CPNE4: variants seen among roughly 807,000 people sequenced by gnomAD.
CPNE4 encodes copine-4.
Under a neutral mutation model 67.9 loss-of-function variants are expected in CPNE4, and 25 were observed. The observed-to-expected ratio is 0.37, with a 90% CI of 0.27 to 0.51. The LOEUF (loss-of-function observed/expected upper bound fraction) is 0.51, where lower values mean the gene tolerates loss of function less well. Among genes scored for constraint, CPNE4 ranks in the 20% least tolerant of loss-of-function variants. The probability of loss-of-function intolerance (pLI) is 0.93; values close to 1 mark genes in which losing one functional copy is unlikely to be tolerated. For missense variants in CPNE4, 464 were observed against 690.8 expected (o/e 0.67, Z 3.68); for synonymous variants, 242 against 244.9 (o/e 0.99, Z 0.11).
At chr3:131,790,922 T>C (rs1442257806) in intron 2 of CPNE4, among the ~76,000 whole-genome samples, 1 of 152,200 alleles carries the variant, frequency 6.6e-6, no homozygotes, top group Non-Finnish European at 1.5e-5. Context: ...ACATGTTTTA[T>C]TGTGCAGTCT....
chr3:131,802,575 C>T (rs958677789), intron 2 of CPNE4, among the ~76,000 whole-genome samples: 13 of 152,138 alleles, frequency 8.5e-5, no homozygotes, highest in African/African-American at 2.2e-4. Context: ...GGGGTCAGGA[C>T]AGCACGGACA....
At chr3:131,987,166 G>A (rs1432868204) in intron 1 of CPNE4, among the ~76,000 whole-genome samples, 1 of 152,274 alleles carries the variant, frequency 6.6e-6, no homozygotes, top group South Asian at 2.1e-4. Context: ...GTAAAAAATA[G>A]TGGTATTTTG....
intron 2 of CPNE4, among the ~76,000 whole-genome samples, chr3:131,862,982 G>C (rs995776217): frequency 2.0e-5 from 3 of 148,126 alleles, no homozygotes; most frequent in Non-Finnish European, 4.5e-5. Context: ...CCTTATGATA[G>C]TTTGCTGAGA....
intron 2 of CPNE4, among the ~76,000 whole-genome samples, chr3:131,855,112 C>T (rs994122368): frequency 6.6e-6 from 1 of 151,910 alleles, no homozygotes; most frequent in African/African-American, 2.4e-5. Context: ...ACATAAGCCT[C>T]TTTCTGGGTC....
chr3:131,641,177 T>G (rs73001266), intron 7 of CPNE4, among the ~76,000 whole-genome samples: 45,195 of 151,888 alleles, frequency 0.3, 10,545 homozygotes, highest in African/African-American at 0.65. Flanking sequence ...GGGACTTAAT[T>G]AAACCAAAAA....
At chr3:131,557,079 A>G (rs1936499481) in intron 11 of CPNE4, among the ~76,000 whole-genome samples, 1 of 152,070 alleles carries the variant, frequency 6.6e-6, no homozygotes, top group Non-Finnish European at 1.5e-5. Context: ...TATATGTAGT[A>G]TTAAATGTGA....
chr3:131,764,518 T>C (rs763656035), intron 2 of CPNE4, among the ~76,000 whole-genome samples: 13 of 152,154 alleles, frequency 8.5e-5, no homozygotes, highest in Non-Finnish European at 1.6e-4. Flanking sequence ...TTGTAACATA[T>C]ATAACATAAA....
chr3:131,696,322 C>G lies in CPNE4; in HGVS notation c.507+220G>C, dbSNP rs1398528747. ...CTCACCGGTGGCATTTGGAAACAGT[C>G]TTGGTGTCATAGAATTGTCTTGTTT... On this transcript the variant is annotated intron_variant, in intron 5 of 15. Coordinates refer to ENST00000429747, the MANE Select transcript of CPNE4 (RefSeq NM_130808.3). 2.6e-5 allele frequency among the ~76,000 whole-genome samples: 4 copies of G among 152,138 alleles called. No individual in the cohort carries two copies. The East Asian group carries it at 7.7e-4, about 29-fold the overall frequency.
intron 2 of CPNE4, among the ~76,000 whole-genome samples, chr3:131,893,760 G>A (rs1176478697): frequency 6.6e-6 from 1 of 151,752 alleles, no homozygotes; most frequent in Non-Finnish European, 1.5e-5. Flanking sequence ...ATTTTTATTG[G>A]GATACATAAA....
At position 131,754,015 on chromosome 3, in the gene CPNE4, A is replaced by G. The variant is rs536862723; in HGVS notation, c.181-30390T>C. Among the ~76,000 whole-genome samples the G allele has an allele frequency of 3.7e-4, 57 of 152,334 alleles. No individual in the cohort carries two copies. In the South Asian group the frequency reaches 0.011, roughly 29 times the overall value. On this transcript the variant is annotated intron_variant, in intron 2 of 15. Transcript: ENST00000429747. ...TACCACTGTTTTTAGTGCCAAATAA[A>G]CTGGAAACATGATGAATGCCCATCA... is the stretch of plus-strand genomic sequence containing the variant.
intron 5 of CPNE4, among the ~76,000 whole-genome samples, chr3:131,691,899 C>T (rs2081042765): frequency 6.6e-6 from 1 of 152,060 alleles, no homozygotes; most frequent in African/African-American, 2.4e-5. Flanking sequence ...TTCAAAACAA[C>T]AACTCTGGGT....
chr3:131,844,796 A>G (rs2085933779), intron 2 of CPNE4, among the ~76,000 whole-genome samples: 1 of 152,160 alleles, frequency 6.6e-6, no homozygotes, highest in Non-Finnish European at 1.5e-5. Flanking sequence ...TGTAGAACCT[A>G]TATACATAGC....
chr3:131,928,250 A>G (rs1197284517), intron 1 of CPNE4, among the ~76,000 whole-genome samples: 1 of 152,198 alleles, frequency 6.6e-6, no homozygotes, highest in Non-Finnish European at 1.5e-5. Context: ...ATTATACCAT[A>G]ATTAATGTAT....
chr3:131,615,913 ACACACACACACACACG>A (rs1392250898), intron 7 of CPNE4, among the ~76,000 whole-genome samples: 3,927 of 102,130 alleles, frequency 0.038, 177 homozygotes, highest in African/African-American at 0.21. Flanking sequence ...ACACACACAC[ACACACACACACACACG>A]CACACACACA....
intron 2 of CPNE4, among the ~76,000 whole-genome samples, chr3:131,743,983 A>AAAAC: frequency 6.7e-6 from 1 of 148,916 alleles, no homozygotes; most frequent in Non-Finnish European, 1.5e-5. Flanking sequence ...AAAAAAAAAA[A>AAAAC]ACAATAAAAG....
chr3:131,555,580 C>A (rs1178642779), intron 11 of CPNE4, 29 bp from the exon 12 acceptor site: 7 of 1,593,386 alleles, frequency 4.4e-6, no homozygotes, highest in South Asian at 1.1e-5. Flanking sequence ...AAAGAAAAAA[C>A]AAGAAGTTGC....
intron 2 of CPNE4, among the ~76,000 whole-genome samples, chr3:131,792,925 G>GTGTATCTATA (rs58502463): frequency 2.5e-4 from 34 of 135,232 alleles, no homozygotes; most frequent in South Asian, 7.3e-4. Context: ...GTGTGTGTGT[G>GTGTATCTATA]TATCTCCAAC....
chr3:131,546,948 A>AAGCAAGT (rs1219785743), intron 14 of CPNE4, among the ~76,000 whole-genome samples: 3 of 152,210 alleles, frequency 2.0e-5, no homozygotes, highest in Admixed American at 6.5e-5. Context: ...TTGAGTTTCT[A>AAGCAAGT]AGCAAGTTAT....
At chr3:131,711,403 A>C (rs1447034346) in intron 3 of CPNE4, among the ~76,000 whole-genome samples, 1 of 152,144 alleles carries the variant, frequency 6.6e-6, no homozygotes, top group African/African-American at 2.4e-5. Context: ...TTTGAATCTC[A>C]GTGGGGAGAG....
Sources: allele counts gnomAD v4.1 joint callset (sites outside exome capture counted in the v4.1 genomes callset), GRCh38; gene constraint gnomAD v4.1.1; transcripts MANE v1.5; gene names NCBI Gene and HGNC (gene_info 2026-07-23, HGNC 2026-07-21).